Variants in CNTN1 observed in about 807,000 individuals in gnomAD.
CNTN1 encodes contactin-1.
CNTN1 carries 38 observed loss-of-function variants against 126.4 expected under a neutral mutation model. The observed-to-expected ratio is 0.30, with a 90% CI of 0.23 to 0.39. CNTN1 has a LOEUF of 0.39. Ranked by LOEUF, CNTN1 falls within the 10% of genes least tolerant of loss-of-function variation. The probability of loss-of-function intolerance (pLI) is 1.00; values close to 1 mark genes in which losing one functional copy is unlikely to be tolerated. For missense variants in CNTN1, 1,009 were observed against 1,248.4 expected (o/e 0.81, Z 2.89); for synonymous variants, 413 against 422.6 (o/e 0.98, Z 0.28).
intron 1 of CNTN1, among the ~76,000 whole-genome samples, chr12:40,769,598 G>T (rs1300778920): frequency 6.6e-6 from 1 of 152,138 alleles, no homozygotes; most frequent in Non-Finnish European, 1.5e-5. Context: ...GGCTTATTTA[G>T]TTAGATACAG....
chr12:40,939,263 T>A, intron 11 of CNTN1, 72 bp from the exon 12 acceptor site: 1 of 1,521,214 alleles, frequency 6.6e-7, no homozygotes, highest in Non-Finnish European at 9.1e-7. Flanking sequence ...GAATAAAAGA[T>A]TCTACAACAC....
intron 1 of CNTN1, among the ~76,000 whole-genome samples, chr12:40,772,314 A>G (rs1020891748): frequency 6.6e-6 from 1 of 152,042 alleles, no homozygotes; most frequent in African/African-American, 2.4e-5. Context: ...TGAAGCAATC[A>G]CGCTCATTTG....
chr12:40,837,558 A>G (rs1942108019), intron 1 of CNTN1, among the ~76,000 whole-genome samples: 1 of 152,116 alleles, frequency 6.6e-6, no homozygotes, highest in Non-Finnish European at 1.5e-5. Context: ...TGGGTCCCAC[A>G]CCCTTTCTGA....
At chr12:40,808,058 A>G (rs1242772630) in intron 1 of CNTN1, among the ~76,000 whole-genome samples, 1 of 152,136 alleles carries the variant, frequency 6.6e-6, no homozygotes, top group Non-Finnish European at 1.5e-5. Context: ...CAATGGTAAA[A>G]GTACAGATCT....
intron 1 of CNTN1, among the ~76,000 whole-genome samples, chr12:40,878,001 TTTTTTTTTTTTTTG>T (rs1444403480): frequency 1.1e-5 from 1 of 89,098 alleles, no homozygotes; most frequent in Non-Finnish European, 2.3e-5. Flanking sequence ...TTTTTTTTTT[TTTTTTTTTTTTTTG>T]AGATAGAGTT....
intron 1 of CNTN1, among the ~76,000 whole-genome samples, chr12:40,716,209 T>G (rs1290285098): frequency 1.3e-5 from 2 of 151,710 alleles, no homozygotes; most frequent in East Asian, 3.9e-4. Context: ...TACTAGATGC[T>G]TCCATTCCTT....
intron 23 of CNTN1, among the ~76,000 whole-genome samples, chr12:41,030,751 T>G (rs1243830858): frequency 6.6e-6 from 1 of 152,236 alleles, no homozygotes; most frequent in East Asian, 1.9e-4. Flanking sequence ...AAACACTTAC[T>G]AATTTCTATT....
At chr12:40,832,773 A>G (rs942300182) in intron 1 of CNTN1, among the ~76,000 whole-genome samples, 11 of 152,138 alleles carry the variant, frequency 7.2e-5, no homozygotes, top group Non-Finnish European at 1.3e-4. Context: ...AATGCAAACC[A>G]ACCAATCCAG....
Position 41,071,148 on chromosome 12 carries a change from G to A in CNTN1, c.*1113G>A, listed in dbSNP as rs1023959906. 6.6e-6 allele frequency: 1 copy of A among 151,988 alleles called. No individual in the cohort carries two copies. Among genetic ancestry groups the A allele is most frequent in the African/African-American group, 2.4e-5 (1 of 41,394 alleles). 9.4% of individuals were successfully genotyped at this position (151,988 alleles called of 1,614,324 possible). A position where few individuals can be genotyped will look rare whatever the true frequency, so the allele number is the denominator to read the frequency against. On this transcript the variant is annotated 3_prime_UTR_variant, in exon 24 of 24. Coordinates refer to ENST00000551295, the MANE Select transcript of CNTN1 (RefSeq NM_001843.4). ...CCACTTCAATGCAATACTGAAAACT[G>A]GCTAAAAATACCAAATCAATATACT...
At chr12:41,044,909 T>C (rs959239599) in intron 23 of CNTN1, among the ~76,000 whole-genome samples, 2 of 152,252 alleles carry the variant, frequency 1.3e-5, no homozygotes, top group Admixed American at 1.3e-4. Flanking sequence ...CCTGTAAGTA[T>C]AACACCAAGG....
intron 12 of CNTN1, among the ~76,000 whole-genome samples, chr12:40,940,675 T>C (rs1021581775): frequency 6.6e-6 from 1 of 152,066 alleles, no homozygotes; most frequent in Non-Finnish European, 1.5e-5. Context: ...AGCCCTCTTA[T>C]TAGGATGAGC....
intron 7 of CNTN1, 62 bp from the exon 8 acceptor site, chr12:40,933,399 T>C: frequency 1.7e-6 from 2 of 1,147,614 alleles, no homozygotes; most frequent in South Asian, 2.5e-5. Context: ...AATTACCATG[T>C]TTAAGAATAA....
intron 15 of CNTN1, among the ~76,000 whole-genome samples, chr12:40,965,488 T>C (rs904716568): frequency 6.6e-6 from 1 of 152,218 alleles, no homozygotes; most frequent in African/African-American, 2.4e-5. Context: ...GTAAAAGTTA[T>C]TGATTTCAGT....
intron 1 of CNTN1, among the ~76,000 whole-genome samples, chr12:40,800,590 G>A (rs1201480578): frequency 1.3e-5 from 2 of 151,966 alleles, no homozygotes; most frequent in Non-Finnish European, 2.9e-5. Context: ...TTTTGATAGA[G>A]AAGAAAAGTG....
intron 17 of CNTN1, among the ~76,000 whole-genome samples, chr12:41,000,639 T>TG (rs386376264): frequency 2.6e-5 from 4 of 151,852 alleles, no homozygotes; most frequent in Non-Finnish European, 4.4e-5. Context: ...TTTATTTTTT[T>TG]TAATTTTAAG....
rs1294780787 is a variant in CNTN1, at chr12:40,951,714, T to TAAAAAAAAAAAA, written c.1684-7400_1684-7399insAAAAAAAAAAAA. 7.2e-4 allele frequency among the ~76,000 whole-genome samples: 57 copies of TAAAAAAAAAAAA among 79,522 alleles called. 4 individuals are homozygous for TAAAAAAAAAAAA. The highest frequency in any genetic ancestry group is 9.9e-4 in the Non-Finnish European group (45 of 45,648). The allele number at this position is 79,522 out of a possible 152,430, so 52.2% of individuals were successfully genotyped here. ...AAAGAGTGAGACTTTGTCTCAAAATTTAAAAAAAAAAAAAAAAAAAAAAAA... is the reference window on the plus strand; with the variant it reads ...AAAGAGTGAGACTTTGTCTCAAAATTAAAAAAAAAAAATAAAAAAAAAAAAAAAAAAAAAAAA... On this transcript the variant is annotated intron_variant, in intron 14 of 23. Coordinates refer to ENST00000551295, the MANE Select transcript of CNTN1 (RefSeq NM_001843.4).
At chr12:40,696,582 A>T (rs536011610) in intron 1 of CNTN1, among the ~76,000 whole-genome samples, 1 of 152,288 alleles carries the variant, frequency 6.6e-6, no homozygotes, top group East Asian at 1.9e-4. Context: ...TTCGTATCTT[A>T]AAAAGCACTG....
chr12:41,049,517 A>G (rs188435119), intron 23 of CNTN1, among the ~76,000 whole-genome samples: 21 of 152,372 alleles, frequency 1.4e-4, no homozygotes, highest in Admixed American at 5.2e-4. Flanking sequence ...AAATAAATGT[A>G]TTGAGAAACA....
At chr12:40,891,023 G>A (rs1944222752) in intron 1 of CNTN1, among the ~76,000 whole-genome samples, 1 of 152,126 alleles carries the variant, frequency 6.6e-6, no homozygotes, top group African/African-American at 2.4e-5. Context: ...GGAACAGCAG[G>A]AACCAACAAC....
Sources: gnomAD v4.1 joint callset for allele counts (sites outside exome capture counted in the v4.1 genomes callset) on GRCh38, gnomAD v4.1.1 for gene constraint, MANE v1.5 for transcripts, NCBI Gene and HGNC (gene_info 2026-07-23, HGNC 2026-07-21) for gene names.